LPA: variants seen among roughly 807,000 people sequenced by gnomAD.
The protein encoded by LPA is apolipoprotein(a).
In LPA, 199 loss-of-function variants were observed where a neutral mutation model predicts 197.9. The ratio of observed to expected loss-of-function variants is 1.01; its 90% CI spans 0.90 to 1.13. LPA has a LOEUF of 1.13. Among genes scored for constraint, LPA ranks in the 50% most tolerant of loss-of-function variants. The probability of loss-of-function intolerance (pLI) is 0.00; values close to 1 mark genes in which losing one functional copy is unlikely to be tolerated. For synonymous variants in LPA, 715 were observed against 639.5 expected (o/e 1.12, Z -1.78); for missense variants, 1,853 against 1,785.8 (o/e 1.04, Z -0.68).
intron 24 of LPA, among the ~76,000 whole-genome samples, chr6:160,588,210 A>G (rs575687501): frequency 6.6e-6 from 1 of 152,146 alleles, no homozygotes; most frequent in South Asian, 2.1e-4. Context: ...GGAATGCCAT[A>G]TAACTGAGCA....
intron 18 of LPA, among the ~76,000 whole-genome samples, chr6:160,602,428 T>G (rs6415085): frequency 0.44 from 67,355 of 152,030 alleles, 15,944 homozygotes; most frequent in African/African-American, 0.62. Context: ...CATGATTTAG[T>G]CTATATGTTC....
intron 16 of LPA, among the ~76,000 whole-genome samples, chr6:160,608,491 T>C (rs1779408509): frequency 6.6e-6 from 1 of 152,156 alleles, no homozygotes; most frequent in Non-Finnish European, 1.5e-5. Context: ...AAACAGCTTG[T>C]TTTTCCCCAG....
At chr6:160,656,149 A>G (rs1335475891) in intron 1 of LPA, among the ~76,000 whole-genome samples, 1 of 152,248 alleles carries the variant, frequency 6.6e-6, no homozygotes, top group Non-Finnish European at 1.5e-5. Flanking sequence ...TGTCCTCTGC[A>G]CAGGTCAAAT....
chr6:160,660,079 C>A (rs1780199590), intron 1 of LPA, among the ~76,000 whole-genome samples: 1 of 151,960 alleles, frequency 6.6e-6, no homozygotes, highest in Non-Finnish European at 1.5e-5. Context: ...TTTCTTGTTT[C>A]TTTAACACCT....
intron 28 of LPA, among the ~76,000 whole-genome samples, chr6:160,568,164 A>G (rs1237813220): frequency 6.6e-6 from 1 of 152,192 alleles, no homozygotes; most frequent in Non-Finnish European, 1.5e-5. Context: ...CCTGATACCA[A>G]ATCCTGGCAG....
At position 160,592,909 on chromosome 6, in the gene LPA, G is replaced by T. The variant is rs112518707; in HGVS notation, c.3629+1049C>A. 1.1e-4 allele frequency among the ~76,000 whole-genome samples: 16 copies of T among 152,240 alleles called. 1 individual carries two copies. Among genetic ancestry groups the T allele is most frequent in the African/African-American group, 3.9e-4 (16 of 41,550 alleles). On this transcript the variant is annotated intron_variant, in intron 22 of 38. Transcript: ENST00000316300. ...ACTCAAATATCCCCCAGTGCTATGTGAGCTCTAGCATCTCCATTGAGCTCA... is the reference window on the plus strand; with the variant it reads ...ACTCAAATATCCCCCAGTGCTATGTTAGCTCTAGCATCTCCATTGAGCTCA...
At position 160,577,209 on chromosome 6, in the gene LPA, C is replaced by T; in HGVS notation, c.4558G>A (p.Gly1520Arg). The change falls in exon 28 of 39, where the codon GGA becomes AGA. Residue 1520 changes from glycine (G) to arginine (R), a missense_variant. Coordinates refer to ENST00000316300, the MANE Select transcript of LPA (RefSeq NM_005577.4). ...YRGISSTTVT[G>R]RTCQSWSSMI... ...GATGACCAAGATTGACAGGTCCTTC[C>T]TGTGACAGTGGTGGAGGATATGCCT... is the stretch of plus-strand genomic sequence containing the variant. 6.2e-7 allele frequency: 1 copy of T among 1,613,908 alleles called. No homozygotes were observed. The highest frequency in any genetic ancestry group is 8.5e-7 in the Non-Finnish European group (1 of 1,179,870).
chr6:160,569,898 T>G (rs938218352), intron 28 of LPA, among the ~76,000 whole-genome samples: 1 of 152,160 alleles, frequency 6.6e-6, no homozygotes, highest in Non-Finnish European at 1.5e-5. Flanking sequence ...TCACCATCAC[T>G]GGCCATCAGA....
intron 26 of LPA, among the ~76,000 whole-genome samples, chr6:160,584,595 G>T (rs952882971): frequency 1.3e-5 from 2 of 151,982 alleles, no homozygotes; most frequent in African/African-American, 4.8e-5. Flanking sequence ...TCCTCCCAAA[G>T]TGTTGGGATC....
intron 28 of LPA, among the ~76,000 whole-genome samples, chr6:160,572,638 A>C (rs1346628014): frequency 6.6e-6 from 1 of 152,180 alleles, no homozygotes; most frequent in Non-Finnish European, 1.5e-5. Flanking sequence ...TTGTCCAAAA[A>C]CGACTGTATC....
At chr6:160,606,932 C>A (rs186050179) in intron 16 of LPA, among the ~76,000 whole-genome samples, 2 of 152,132 alleles carry the variant, frequency 1.3e-5, no homozygotes, top group Non-Finnish European at 2.9e-5. Context: ...GGGCAAAAAA[C>A]GATCAGAGTA....
chr6:160,651,830 G>C (rs1241835924), intron 1 of LPA, among the ~76,000 whole-genome samples: 1 of 152,088 alleles, frequency 6.6e-6, no homozygotes, highest in Non-Finnish European at 1.5e-5. Context: ...TTTCAGCAAA[G>C]AGATGGAAAC....
At chr6:160,593,570 C>G (rs1210601617) in intron 22 of LPA, among the ~76,000 whole-genome samples, 1 of 152,094 alleles carries the variant, frequency 6.6e-6, no homozygotes, top group East Asian at 1.9e-4. Flanking sequence ...ATTTGTTGCC[C>G]AAGATGAACA....
intron 34 of LPA, among the ~76,000 whole-genome samples, chr6:160,542,161 C>G (rs1162547940): frequency 3.3e-5 from 5 of 152,128 alleles, no homozygotes; most frequent in Admixed American, 3.3e-4. Context: ...TGGGTTCGGA[C>G]TGATTACTCT....
At chr6:160,583,962 G>A (rs1414197836) in intron 26 of LPA, among the ~76,000 whole-genome samples, 2 of 152,036 alleles carry the variant, frequency 1.3e-5, no homozygotes, top group Non-Finnish European at 2.9e-5. Context: ...CTCACTTATG[G>A]CAAGAGGCCA....
intron 30 of LPA, among the ~76,000 whole-genome samples, chr6:160,552,289 A>T (rs1324322076): frequency 6.6e-6 from 1 of 151,904 alleles, no homozygotes. Flanking sequence ...TTTTTTTCCA[A>T]AAAAGGACTG....
chr6:160,648,487 T>C (rs115600662), intron 2 of LPA, among the ~76,000 whole-genome samples: 3,018 of 152,272 alleles, frequency 0.02, 79 homozygotes, highest in Middle Eastern at 0.19. Context: ...TTCCCACATG[T>C]AGGAAATCTT....
Position 160,562,935 on chromosome 6 carries a change from G to A in LPA, c.4632-5364C>T, listed in dbSNP as rs553436230. 4.6e-5 allele frequency among the ~76,000 whole-genome samples: 7 copies of A among 152,156 alleles called. No individual in the cohort carries two copies. In the South Asian group the frequency reaches 1.5e-3, roughly 32 times the overall value. On this transcript the variant is annotated intron_variant, in intron 28 of 38. Transcript: ENST00000316300. The stretch of plus-strand genomic sequence containing the variant: ...GATATCCCCTTTATTATTCTTTATT[G>A]TGTCTATTTGATTCTTCTCTATTTT...
chr6:160,606,740 C>A, intron 16 of LPA, 82 bp from the exon 17 acceptor site: 1 of 1,550,926 alleles, frequency 6.4e-7, no homozygotes, highest in Non-Finnish European at 8.9e-7. Context: ...TGTGCTGCAA[C>A]AAGGTCATTA....
Sources: gnomAD v4.1 joint callset for allele counts (sites outside exome capture counted in the v4.1 genomes callset) on GRCh38, gnomAD v4.1.1 for gene constraint, MANE v1.5 for transcripts, NCBI Gene and HGNC (gene_info 2026-07-23, HGNC 2026-07-21) for gene names.